The following SEMA6D variants were observed in gnomAD, a reference collection of about 807,000 sequenced individuals.
The protein encoded by SEMA6D is semaphorin-6D.
Under a neutral mutation model 106.6 loss-of-function variants are expected in SEMA6D, and 35 were observed. The observed-to-expected ratio is 0.33, with a 90% CI of 0.25 to 0.44. The LOEUF is 0.44. Among genes scored for constraint, SEMA6D ranks in the 20% least tolerant of loss-of-function variants. The pLI is 1.00. For synonymous variants in SEMA6D, 499 were observed against 487.7 expected (o/e 1.02, Z -0.31); for missense variants, 1,185 against 1,345.9 (o/e 0.88, Z 1.87).
intron 3 of SEMA6D, among the ~76,000 whole-genome samples, chr15:47,553,768 G>A (rs1360111169): frequency 6.6e-6 from 1 of 152,104 alleles, no homozygotes; most frequent in African/African-American, 2.4e-5. Flanking sequence ...TTAAATGTCT[G>A]TGAATTAGTG....
chr15:47,471,151 C>T (rs1899519656), intron 3 of SEMA6D, among the ~76,000 whole-genome samples: 1 of 152,120 alleles, frequency 6.6e-6, no homozygotes, highest in African/African-American at 2.4e-5. Flanking sequence ...GGAGCAGGGC[C>T]AGGGCAGTCG....
intron 1 of SEMA6D, among the ~76,000 whole-genome samples, chr15:47,251,753 A>G (rs1566951776): frequency 6.6e-6 from 1 of 151,994 alleles, no homozygotes; most frequent in East Asian, 1.9e-4. Flanking sequence ...AGCTATTCTG[A>G]TAGGTAGGTA....
chr15:47,252,310 T>A (rs1322059664), intron 1 of SEMA6D, among the ~76,000 whole-genome samples: 3 of 152,236 alleles, frequency 2.0e-5, no homozygotes, highest in Non-Finnish European at 4.4e-5. Context: ...TATAGTATGA[T>A]GTTTCAATAC....
At chr15:47,565,603 G>A (rs984114072) in intron 3 of SEMA6D, among the ~76,000 whole-genome samples, 1 of 152,124 alleles carries the variant, frequency 6.6e-6, no homozygotes, top group African/African-American at 2.4e-5. Context: ...TCTGAATCTG[G>A]GAGGCATCGA....
intron 4 of SEMA6D, among the ~76,000 whole-genome samples, chr15:47,636,391 G>A (rs957691835): frequency 2.0e-5 from 3 of 152,160 alleles, no homozygotes; most frequent in African/African-American, 7.2e-5. Context: ...TGTCCCTAGT[G>A]AAACTCTTGT....
chr15:47,762,166 G>A (rs766523027), intron 7 of SEMA6D, 34 bp from the exon 8 acceptor site: 5 of 1,612,852 alleles, frequency 3.1e-6, no homozygotes, highest in Non-Finnish European at 4.2e-6. Flanking sequence ...GGATAATTAT[G>A]GTTATCTTAC....
At chr15:47,669,480 A>G (rs1008648732) in intron 4 of SEMA6D, among the ~76,000 whole-genome samples, 1 of 152,126 alleles carries the variant, frequency 6.6e-6, no homozygotes, top group South Asian at 2.1e-4. Flanking sequence ...TTGCTTTCCC[A>G]TCCCAAAACT....
At chr15:47,230,587 G>C (rs189151891) in intron 1 of SEMA6D, among the ~76,000 whole-genome samples, 1 of 152,074 alleles carries the variant, frequency 6.6e-6, no homozygotes, top group Admixed American at 6.6e-5. Context: ...TATAGACATT[G>C]GAGTCACAGG....
intron 3 of SEMA6D, among the ~76,000 whole-genome samples, chr15:47,504,120 A>G (rs917509953): frequency 2.0e-5 from 3 of 152,158 alleles, no homozygotes; most frequent in African/African-American, 7.2e-5. Context: ...AAGTCCAGAG[A>G]TGGTACATTG....
At chr15:47,245,777 C>T (rs781521920) in intron 1 of SEMA6D, among the ~76,000 whole-genome samples, 3 of 151,960 alleles carry the variant, frequency 2.0e-5, no homozygotes, top group South Asian at 2.1e-4. Flanking sequence ...GTATCCTGAA[C>T]ATTAAATACA....
chr15:47,305,837 G>A (rs564795328), intron 1 of SEMA6D, among the ~76,000 whole-genome samples: 10 of 152,304 alleles, frequency 6.6e-5, no homozygotes, highest in African/African-American at 2.2e-4. Flanking sequence ...CACCCACAAA[G>A]TAGATCTTCT....
chr15:47,305,532 G>A (rs2036199862), intron 1 of SEMA6D, among the ~76,000 whole-genome samples: 1 of 152,130 alleles, frequency 6.6e-6, no homozygotes, highest in African/African-American at 2.4e-5. Flanking sequence ...TAAAAATAAG[G>A]CTGTTTTCTA....
intron 3 of SEMA6D, among the ~76,000 whole-genome samples, chr15:47,490,157 T>C (rs2043427448): frequency 6.6e-6 from 1 of 152,216 alleles, no homozygotes; most frequent in Non-Finnish European, 1.5e-5. Context: ...TTATTCTCCT[T>C]AGACTTTCAG....
At chr15:47,322,282 T>TA (rs1435678286) in intron 1 of SEMA6D, among the ~76,000 whole-genome samples, 13 of 150,440 alleles carry the variant, frequency 8.6e-5, no homozygotes, top group Admixed American at 6.0e-4. Context: ...ACTAGTTATT[T>TA]TTTTTTTTTT....
chr15:47,496,192 G>T (rs964258547), intron 3 of SEMA6D, among the ~76,000 whole-genome samples: 1 of 151,958 alleles, frequency 6.6e-6, no homozygotes, highest in Non-Finnish European at 1.5e-5. Context: ...TCTCTAGCTG[G>T]TCAAAGACTA....
chr15:47,765,972 C>G lies in SEMA6D; in HGVS notation c.1531C>G (p.Pro511Ala), dbSNP rs1457357582. The G allele has an allele frequency of 2.5e-6, 4 of 1,594,212 alleles. No individual in the cohort carries two copies. Among genetic ancestry groups the G allele is most frequent in the Admixed American group, 1.7e-5 (1 of 58,046 alleles). Residue 511 changes from proline (P) to alanine (A), a missense_variant, in exon 14 of 19, where the codon CCC becomes GCC. Pro to Ala is a conservative substitution (Grantham distance 27). Coordinates refer to ENST00000536845, the MANE Select transcript of SEMA6D (RefSeq NM_001358351.3). Reference protein sequence around the residue: ...VAFSSCIIRIPLSRCERYGSC... With the variant: ...VAFSSCIIRIALSRCERYGSC... ...GTTCTCTAGCTGCATTATCCGCATC[C>G]CCCTCAGTCGCTGTGAGCGTTATGG...
chr15:47,408,997 T>C (rs1356260965), intron 1 of SEMA6D, among the ~76,000 whole-genome samples: 1 of 152,240 alleles, frequency 6.6e-6, no homozygotes, highest in African/African-American at 2.4e-5. Flanking sequence ...TGTTGAACTT[T>C]GGATAAATAG....
In SEMA6D at chr15:47,215,617, A is replaced by G. The variant is rs1202700036; in HGVS notation, c.-239+31199A>G. 2.6e-5 allele frequency among the ~76,000 whole-genome samples: 4 copies of G among 152,194 alleles called. 1 individual carries two copies. Among genetic ancestry groups the G allele is most frequent in the South Asian group, 4.1e-4 (2 of 4,832 alleles). ...ATATATATGAGACACATATTCATAC[A>G]TGGTAATATTTATGGAGAGATGGAG... is the stretch of plus-strand genomic sequence containing the variant. On this transcript the variant is annotated intron_variant, in intron 1 of 19. Coordinates refer to the SEMA6D transcript ENST00000558014.
intron 1 of SEMA6D, among the ~76,000 whole-genome samples, chr15:47,298,400 A>G (rs1383584740): frequency 2.0e-5 from 3 of 152,122 alleles, no homozygotes; most frequent in African/African-American, 4.8e-5. Flanking sequence ...GGGGAAGTCA[A>G]AAATACCAAA....
Sources: gnomAD v4.1 joint callset for allele counts (sites outside exome capture counted in the v4.1 genomes callset) on GRCh38, gnomAD v4.1.1 for gene constraint, MANE v1.5 for transcripts, NCBI Gene and HGNC (gene_info 2026-07-23, HGNC 2026-07-21) for gene names.